Variants in CNRIP1 observed in about 807,000 individuals in gnomAD.
CNRIP1 encodes the protein CB1 cannabinoid receptor-interacting protein 1.
A neutral mutation model predicts 15.2 loss-of-function variants in CNRIP1; 10 were observed. The ratio of observed to expected loss-of-function variants is 0.66; its 90% CI spans 0.41 to 1.12. The LOEUF (loss-of-function observed/expected upper bound fraction) is 1.12. Ranked by LOEUF, CNRIP1 falls within the 50% of genes most tolerant of loss-of-function variation. The probability of loss-of-function intolerance (pLI) is 0.00; values close to 1 mark genes in which losing one functional copy is unlikely to be tolerated. For synonymous variants in CNRIP1, 91 were observed against 83.2 expected (o/e 1.09, Z -0.51); for missense variants, 211 against 214.7 (o/e 0.98, Z 0.11).
At chr2:68,294,112 G>T (rs960770777) in intron 2 of CNRIP1, 86 bp from the exon 3 acceptor site, 11 of 1,404,960 alleles carry the variant, frequency 7.8e-6, no homozygotes, top group African/African-American at 2.8e-5. Flanking sequence ...GTAGCTCCTG[G>T]ATAATCAAGC....
intron 2 of CNRIP1, among the ~76,000 whole-genome samples, chr2:68,294,708 A>G (rs1399249219): frequency 1.3e-5 from 2 of 152,226 alleles, no homozygotes; most frequent in Non-Finnish European, 2.9e-5. Flanking sequence ...GAAGTGTTAA[A>G]GGCCATATTT....
intron 2 of CNRIP1, 142 bp downstream of exon 2, chr2:68,317,015 G>A (rs1475974763): frequency 9.9e-7 from 1 of 1,006,102 alleles, no homozygotes; most frequent in East Asian, 2.4e-5. Context: ...TCCAGCAGAT[G>A]CTTGAAGGAA....
chr2:68,304,795 T>A (rs997224533), intron 2 of CNRIP1, among the ~76,000 whole-genome samples: 3 of 152,160 alleles, frequency 2.0e-5, no homozygotes, highest in African/African-American at 7.2e-5. Context: ...AATAGGCTGA[T>A]AATAAAGAAA....
chr2:68,286,330 ACACACAC>A (rs1671031059), intron 2 of CNRIP1, among the ~76,000 whole-genome samples: 1 of 152,080 alleles, frequency 6.6e-6, no homozygotes, highest in African/African-American at 2.4e-5. Flanking sequence ...ACACACACAC[ACACACAC>A]ACACACACTC....
At position 68,293,378 on chromosome 2, in the gene CNRIP1, T is replaced by C; in HGVS notation, c.*484A>G. 4.1e-6 allele frequency: 4 copies of C among 986,626 alleles called. No homozygotes were observed. The highest frequency in any genetic ancestry group is 4.8e-6 in the Non-Finnish European group (4 of 830,630). 61.1% of individuals were successfully genotyped at this position (986,626 alleles called of 1,614,324 possible). On this transcript the variant is annotated 3_prime_UTR_variant, in exon 3 of 3. Coordinates refer to ENST00000263655, the MANE Select transcript of CNRIP1 (RefSeq NM_015463.3). Reference sequence around the variant, plus strand: ...CATTCACTGCTGTTTGTATTACATTTTCACAAAGCCTGCTTTGAAAGCTGG... The same window carrying C: ...CATTCACTGCTGTTTGTATTACATTCTCACAAAGCCTGCTTTGAAAGCTGG...
rs1048584846 is a variant in CNRIP1, at chr2:68,319,343, C to G, written c.58G>C (p.Asp20His). 1.3e-6 allele frequency: 2 copies of G among 1,578,402 alleles called. No homozygotes were observed. Among genetic ancestry groups the G allele is most frequent in the African/African-American group, 1.3e-5 (1 of 74,294 alleles). Residue 20 changes from aspartate (D) to histidine (H), a missense_variant, in exon 1 of 3, where the codon GAC becomes CAC. By Grantham distance (81) the Asp-to-His change is moderately conservative. Transcript: ENST00000263655. ...LSIALRIQPN[D>H]GPVFYKVDGQ... ...TCCACCTTGTAAAAGACCGGGCCGT[C>G]ATTAGGCTGGATGCGCAGCGCGATG...
intron 2 of CNRIP1, among the ~76,000 whole-genome samples, chr2:68,298,065 G>C (rs752931075): frequency 6.6e-6 from 1 of 151,810 alleles, no homozygotes; most frequent in Non-Finnish European, 1.5e-5. Context: ...CAAGCCTAAG[G>C]GATTTTATAA....
chr2:68,290,554 T>C (rs1671141210), downstream of CNRIP1, among the ~76,000 whole-genome samples: 1 of 152,010 alleles, frequency 6.6e-6, no homozygotes, highest in African/African-American at 2.4e-5. Flanking sequence ...CTCTGTCCTC[T>C]CTGAAAAAAA....
At chr2:68,314,144 C>G (rs369945818) in intron 2 of CNRIP1, among the ~76,000 whole-genome samples, 1 of 152,024 alleles carries the variant, frequency 6.6e-6, no homozygotes, top group African/African-American at 2.4e-5. Flanking sequence ...CAATTATTTA[C>G]CTTATCATTG....
chr2:68,299,865 T>C (rs1443698657), intron 2 of CNRIP1, among the ~76,000 whole-genome samples: 1 of 152,214 alleles, frequency 6.6e-6, no homozygotes, highest in Non-Finnish European at 1.5e-5. Flanking sequence ...AGTGTACTTC[T>C]TTCTATTCAC....
intron 2 of CNRIP1, among the ~76,000 whole-genome samples, chr2:68,305,809 A>C (rs1282601502): frequency 1.6e-5 from 2 of 127,402 alleles, no homozygotes; most frequent in Non-Finnish European, 3.2e-5. Flanking sequence ...AAAAAAAAAA[A>C]CACACACACA....
At chr2:68,286,573 T>G (rs1290257125) in intron 2 of CNRIP1, among the ~76,000 whole-genome samples, 1 of 152,242 alleles carries the variant, frequency 6.6e-6, no homozygotes, top group Non-Finnish European at 1.5e-5. Context: ...GTTGAACTTT[T>G]CTGAACATTC....
At position 68,308,402 on chromosome 2, in the gene CNRIP1, TGAA is replaced by T. The variant is rs528309357; in HGVS notation, c.330+8752_330+8754del. Among the ~76,000 whole-genome samples the T allele has an allele frequency of 2.6e-3, 395 of 152,314 alleles. 1 individual carries two copies. The highest frequency in any genetic ancestry group is 3.6e-3 in the Non-Finnish European group (248 of 68,026). Reference sequence around the variant, plus strand: ...GTATTTTTAAAATATCACAGACTCTTGAAGAAGTGTCATATTTCTATTGTTTTA... The same window carrying T: ...GTATTTTTAAAATATCACAGACTCTTGAAGTGTCATATTTCTATTGTTTTA... On this transcript the variant is annotated intron_variant, in intron 2 of 2. Coordinates refer to ENST00000263655, the MANE Select transcript of CNRIP1 (RefSeq NM_015463.3).
chr2:68,284,273 C>A, exon 3 of CNRIP1: 1 of 498,128 alleles, frequency 2.0e-6, no homozygotes. Context: ...TTTAAGAGGT[C>A]TAAAAAGGTA....
At chr2:68,298,955 C>A (rs1223940506) in intron 2 of CNRIP1, among the ~76,000 whole-genome samples, 2 of 152,180 alleles carry the variant, frequency 1.3e-5, no homozygotes, top group Non-Finnish European at 2.9e-5. Context: ...CTGGGTGGTA[C>A]AATTTATGCA....
intron 2 of CNRIP1, among the ~76,000 whole-genome samples, chr2:68,307,231 A>T (rs1414276561): frequency 6.6e-6 from 1 of 152,246 alleles, no homozygotes; most frequent in Admixed American, 6.5e-5. Flanking sequence ...AAAATGTTAT[A>T]CAATTGTATG....
At position 68,311,799 on chromosome 2, in the gene CNRIP1, A is replaced by G. The variant is rs1207162571; in HGVS notation, c.330+5358T>C. On this transcript the variant is annotated intron_variant, in intron 2 of 2. Transcript: ENST00000263655. Reference sequence around the variant, plus strand: ...CCGGGGAAAAAAAAAAAAAAAAAAAAAAAGAAAAGGATCAAAGAGTAAAAG... The same window carrying G: ...CCGGGGAAAAAAAAAAAAAAAAAAAGAAAGAAAAGGATCAAAGAGTAAAAG... 2.6e-5 allele frequency among the ~76,000 whole-genome samples: 4 copies of G among 151,306 alleles called. No homozygotes were observed. In the South Asian group the frequency reaches 6.2e-4, roughly 24 times the overall value.
downstream of CNRIP1, among the ~76,000 whole-genome samples, chr2:68,288,177 C>T (rs1242597966): frequency 1.3e-5 from 2 of 152,036 alleles, no homozygotes; most frequent in Non-Finnish European, 2.9e-5. Flanking sequence ...GTCCAGAGAT[C>T]TTAAGAAAAG....
downstream of CNRIP1, chr2:68,292,991 A>T (rs1671215700): frequency 1.0e-6 from 1 of 983,806 alleles, no homozygotes; most frequent in Non-Finnish European, 1.2e-6. Flanking sequence ...TGCCCAAATT[A>T]AGAATGCAAG....
Sources: allele counts gnomAD v4.1 joint callset (sites outside exome capture counted in the v4.1 genomes callset), GRCh38; gene constraint gnomAD v4.1.1; transcripts MANE v1.5; gene names NCBI Gene and HGNC (gene_info 2026-07-23, HGNC 2026-07-21).